The following AKAP6 variants were observed in gnomAD, a reference collection of about 807,000 sequenced individuals.
AKAP6 encodes A-kinase anchor protein 6.
In AKAP6, 58 loss-of-function variants were observed where a neutral mutation model predicts 188.5. That is an observed-to-expected ratio of 0.31 (90% CI 0.25 to 0.38). The LOEUF is 0.38. Ranked by LOEUF, AKAP6 falls within the 10% of genes least tolerant of loss-of-function variation. The pLI is 1.00. For missense variants in AKAP6, 2,710 were observed against 2,740.0 expected, an observed-to-expected ratio of 0.99 and a Z score of 0.24; for synonymous variants, 989 against 998.6, an observed-to-expected ratio of 0.99 and a Z score of 0.18.
chr14:32,734,661 C>T (rs185633423), intron 10 of AKAP6: 3 of 152,096 alleles, frequency 2.0e-5, no homozygotes, highest in East Asian at 1.9e-4. Context: ...TTTGTTACAG[C>T]GTAAAAACAA....
intron 1 of AKAP6, among the ~76,000 whole-genome samples, chr14:32,411,522 T>C (rs1387155872): frequency 6.6e-6 from 1 of 152,122 alleles, no homozygotes; most frequent in African/African-American, 2.4e-5. Context: ...AGAGGCAGAC[T>C]CCCAAGAGAG....
intron 7 of AKAP6, among the ~76,000 whole-genome samples, chr14:32,633,531 G>A (rs948226252): frequency 1.3e-5 from 2 of 152,040 alleles, no homozygotes; most frequent in African/African-American, 2.4e-5. Flanking sequence ...AGCTTGGCTG[G>A]TATGAGCTTT....
At chr14:32,338,161 T>C (rs1886775725) in intron 1 of AKAP6, among the ~76,000 whole-genome samples, 1 of 152,184 alleles carries the variant, frequency 6.6e-6, no homozygotes, top group Admixed American at 6.6e-5. Flanking sequence ...AATATACCCA[T>C]ATATTTTGTT....
chr14:32,577,723 G>A (rs892367505), intron 5 of AKAP6, among the ~76,000 whole-genome samples: 19 of 151,868 alleles, frequency 1.3e-4, no homozygotes, highest in African/African-American at 4.6e-4. Flanking sequence ...CTGCTATGTG[G>A]GTTTTTCAGC....
chr14:32,352,835 A>G (rs1013057279), intron 1 of AKAP6, among the ~76,000 whole-genome samples: 1 of 152,226 alleles, frequency 6.6e-6, no homozygotes, highest in Admixed American at 6.5e-5. Flanking sequence ...TATCTTGGCT[A>G]TTGTGAATAG....
At chr14:32,600,499 G>A (rs1365937817) in intron 6 of AKAP6, 130 bp from the exon 7 acceptor site, 9 of 1,005,406 alleles carry the variant, frequency 9.0e-6, no homozygotes. Context: ...TGCTGATATG[G>A]CAGGTGATGG....
intron 1 of AKAP6, among the ~76,000 whole-genome samples, chr14:32,333,891 G>A (rs1335602216): frequency 6.6e-6 from 1 of 152,134 alleles, no homozygotes; most frequent in Non-Finnish European, 1.5e-5. Flanking sequence ...TGTCCAGAGA[G>A]CCCTCTAAAT....
At chr14:32,610,688 T>C (rs1886315552) in intron 7 of AKAP6, among the ~76,000 whole-genome samples, 2 of 152,050 alleles carry the variant, frequency 1.3e-5, no homozygotes, top group Non-Finnish European at 2.9e-5. Context: ...AAATTGGTAG[T>C]AGAAAGATGT....
chr14:32,362,291 G>A (rs576678981), intron 1 of AKAP6, among the ~76,000 whole-genome samples: 1 of 152,304 alleles, frequency 6.6e-6, no homozygotes, highest in African/African-American at 2.4e-5. Context: ...TGACTTGTGT[G>A]CGTTACAAAG....
intron 7 of AKAP6, among the ~76,000 whole-genome samples, chr14:32,669,050 T>A (rs1315451185): frequency 6.6e-6 from 1 of 152,204 alleles, no homozygotes; most frequent in Non-Finnish European, 1.5e-5. Context: ...GGTCTTACCC[T>A]TGAATGAATA....
At chr14:32,564,765 C>T (rs994753100) in intron 4 of AKAP6, among the ~76,000 whole-genome samples, 2 of 152,174 alleles carry the variant, frequency 1.3e-5, no homozygotes, top group East Asian at 1.9e-4. Context: ...CACAGTACTT[C>T]CTGTTAGAAC....
chr14:32,672,563 T>C (rs1889255680), intron 7 of AKAP6, among the ~76,000 whole-genome samples: 1 of 152,158 alleles, frequency 6.6e-6, no homozygotes. Context: ...ACCAATTCTA[T>C]TGGATTGGGA....
At chr14:32,650,222 C>T (rs1185530153) in intron 7 of AKAP6, among the ~76,000 whole-genome samples, 2 of 152,142 alleles carry the variant, frequency 1.3e-5, no homozygotes, top group Non-Finnish European at 2.9e-5. Context: ...TGTGCTGCTT[C>T]CCCCTAATTC....
At chr14:32,813,396 C>CT (rs199771800) in intron 12 of AKAP6, among the ~76,000 whole-genome samples, 2 of 121,914 alleles carry the variant, frequency 1.6e-5, no homozygotes, top group Non-Finnish European at 3.4e-5. Flanking sequence ...CCTACCCCCC[C>CT]CCCCAACCCC....
At chr14:32,499,762 T>C (rs1880511678) in intron 2 of AKAP6, among the ~76,000 whole-genome samples, 1 of 151,742 alleles carries the variant, frequency 6.6e-6, no homozygotes, top group Non-Finnish European at 1.5e-5. Context: ...ATATTTTACA[T>C]GTTTAATTTT....
intron 9 of AKAP6, among the ~76,000 whole-genome samples, chr14:32,729,555 C>T (rs1220797473): frequency 6.6e-6 from 1 of 151,838 alleles, no homozygotes; most frequent in Non-Finnish European, 1.5e-5. Context: ...TATTTATATA[C>T]ACAGGGATGG....
chr14:32,740,866 A>G (rs2031639528), intron 11 of AKAP6, among the ~76,000 whole-genome samples: 1 of 151,992 alleles, frequency 6.6e-6, no homozygotes, highest in Non-Finnish European at 1.5e-5. Context: ...GGTTCCATAT[A>G]CATTTTAAAA....
chr14:32,684,262 C>T (rs1594844734), intron 8 of AKAP6, among the ~76,000 whole-genome samples: 1 of 152,090 alleles, frequency 6.6e-6, no homozygotes, highest in East Asian at 1.9e-4. Context: ...GCCCTCCCTG[C>T]CAGGTGAACA....
chr14:32,630,593 A>G (rs1887225276), intron 7 of AKAP6, among the ~76,000 whole-genome samples: 1 of 152,048 alleles, frequency 6.6e-6, no homozygotes, highest in Admixed American at 6.6e-5. Flanking sequence ...ACTTAGAAGC[A>G]AGCAATGATC....
Sources: gnomAD v4.1 joint callset for allele counts (sites outside exome capture counted in the v4.1 genomes callset) on GRCh38, gnomAD v4.1.1 for gene constraint, MANE v1.5 for transcripts, NCBI Gene and HGNC (gene_info 2026-07-23, HGNC 2026-07-21) for gene names.